HSD17B12: variants seen among roughly 807,000 people sequenced by gnomAD.
The protein encoded by HSD17B12 is very-long-chain 3-oxoacyl-CoA reductase.
A neutral mutation model predicts 39.3 loss-of-function variants in HSD17B12; 32 were observed. The ratio of observed to expected loss-of-function variants is 0.81; its 90% CI spans 0.61 to 1.09. The LOEUF is 1.09. Among genes scored for constraint, HSD17B12 ranks in the 50% least tolerant of loss-of-function variants. The probability of loss-of-function intolerance (pLI) is 0.00; values close to 1 mark genes in which losing one functional copy is unlikely to be tolerated. For synonymous variants in HSD17B12, 150 were observed against 146.7 expected (o/e 1.02, Z -0.16); for missense variants, 342 against 382.9 (o/e 0.89, Z 0.89).
chr11:43,667,698 A>G, the HSD17B12 span, among the ~76,000 whole-genome samples: 1 of 152,176 alleles, frequency 6.6e-6, no homozygotes, highest in South Asian at 2.1e-4. Context: ...CCTGAGGTTA[A>G]TTTCATATAA....
At chr11:43,840,094 C>T (rs768969301) in intron 9 of HSD17B12, 30 bp downstream of exon 9, 2 of 1,584,918 alleles carry the variant, frequency 1.3e-6, no homozygotes, top group Non-Finnish European at 1.7e-6. Flanking sequence ...CTTAAGTATC[C>T]CTGTTTTTGT....
intron 3 of HSD17B12, among the ~76,000 whole-genome samples, chr11:43,794,831 A>G (rs56002841): frequency 6.6e-6 from 1 of 152,148 alleles, no homozygotes; most frequent in Non-Finnish European, 1.5e-5. Context: ...TATCCTACAC[A>G]CTTGTGGGAT....
At chr11:43,622,147 A>T in the HSD17B12 span, among the ~76,000 whole-genome samples, 1 of 152,220 alleles carries the variant, frequency 6.6e-6, no homozygotes, top group African/African-American at 2.4e-5. Flanking sequence ...ATAAAGCTGC[A>T]TGGGCTCTGT....
intron 1 of HSD17B12, among the ~76,000 whole-genome samples, chr11:43,721,916 G>C (rs1950179960): frequency 6.6e-6 from 1 of 152,212 alleles, no homozygotes; most frequent in African/African-American, 2.4e-5. Flanking sequence ...AGTGGCAAAG[G>C]GTGGAAGTAG....
chr11:43,775,879 A>G (rs1452980236), intron 3 of HSD17B12, among the ~76,000 whole-genome samples: 2 of 150,634 alleles, frequency 1.3e-5, no homozygotes, highest in Non-Finnish European at 2.9e-5. Context: ...TGTTCTTGCA[A>G]TAGTTTACTG....
intron 6 of HSD17B12, among the ~76,000 whole-genome samples, chr11:43,826,183 C>A (rs1454209849): frequency 6.7e-6 from 1 of 150,260 alleles, no homozygotes; most frequent in Non-Finnish European, 1.5e-5. Flanking sequence ...CCCGGGTTCA[C>A]GCCATTCTCC....
intron 1 of HSD17B12, among the ~76,000 whole-genome samples, chr11:43,692,937 C>T (rs1403236052): frequency 6.6e-6 from 1 of 151,968 alleles, no homozygotes; most frequent in East Asian, 1.9e-4. Context: ...ATGAATACTA[C>T]AGTTGGTTGA....
intron 10 of HSD17B12, 126 bp downstream of exon 10, chr11:43,854,990 A>G (rs11037681): frequency 0.06 from 65,770 of 1,097,904 alleles, 2,111 homozygotes; most frequent in African/African-American, 0.078. Flanking sequence ...CAAGATATCT[A>G]TATCTTGTTA....
chr11:43,681,121 G>T, intron 1 of HSD17B12, 134 bp downstream of exon 1: 2 of 1,421,296 alleles, frequency 1.4e-6, no homozygotes, highest in Non-Finnish European at 1.8e-6. Flanking sequence ...CCTGTGCCCC[G>T]CGGGCCCCTC....
chr11:43,847,916 T>C (rs1951493163), intron 9 of HSD17B12, among the ~76,000 whole-genome samples: 1 of 152,238 alleles, frequency 6.6e-6, no homozygotes, highest in African/African-American at 2.4e-5. Flanking sequence ...GAAAACACAA[T>C]TTAAGAATTT....
At chr11:43,778,186 A>G (rs1382367941) in intron 3 of HSD17B12, among the ~76,000 whole-genome samples, 2 of 152,258 alleles carry the variant, frequency 1.3e-5, no homozygotes, top group African/African-American at 4.8e-5. Flanking sequence ...ACAAACTATC[A>G]TCAGAGAATA....
At chr11:43,732,000 G>T (rs557582392) in intron 1 of HSD17B12, among the ~76,000 whole-genome samples, 20 of 152,260 alleles carry the variant, frequency 1.3e-4, no homozygotes, top group Non-Finnish European at 7.4e-5. Flanking sequence ...GTTTGGCTGT[G>T]TCCCCCCTGA....
At chr11:43,778,247 A>G (rs1441869222) in intron 3 of HSD17B12, among the ~76,000 whole-genome samples, 2 of 152,222 alleles carry the variant, frequency 1.3e-5, no homozygotes, top group Admixed American at 6.5e-5. Flanking sequence ...GAAATGGATA[A>G]ATTCCTCGAC....
chr11:43,583,453 CTT>C, the HSD17B12 span, among the ~76,000 whole-genome samples: 2 of 152,204 alleles, frequency 1.3e-5, no homozygotes, highest in African/African-American at 4.8e-5. Context: ...AGGCTGCTCA[CTT>C]TTGATCGGGG....
intron 1 of HSD17B12, among the ~76,000 whole-genome samples, chr11:43,704,553 C>A (rs1036612591): frequency 6.6e-6 from 1 of 152,142 alleles, no homozygotes; most frequent in South Asian, 2.1e-4. Context: ...TGACAGAATC[C>A]CACATTTGTA....
chr11:43,657,079 A>G, the HSD17B12 span, among the ~76,000 whole-genome samples: 2 of 151,952 alleles, frequency 1.3e-5, no homozygotes, highest in Non-Finnish European at 2.9e-5. Flanking sequence ...ATGAATCTGG[A>G]TGCTCCTGTA....
At chr11:43,557,620 C>T in the HSD17B12 span, among the ~76,000 whole-genome samples, 1 of 152,188 alleles carries the variant, frequency 6.6e-6, no homozygotes, top group African/African-American at 2.4e-5. Flanking sequence ...CTACAGCTCA[C>T]AACCACCTGT....
intron 1 of HSD17B12, among the ~76,000 whole-genome samples, chr11:43,712,101 A>G (rs896018115): frequency 3.3e-5 from 5 of 152,164 alleles, no homozygotes; most frequent in Non-Finnish European, 7.3e-5. Context: ...TTTTCTCTGA[A>G]GCCTGCTACT....
chr11:43,578,788 C>G, the HSD17B12 span: 3 of 151,680 alleles, frequency 2.0e-5, no homozygotes, highest in Admixed American at 6.6e-5. Flanking sequence ...GTCCAAGAGT[C>G]AAGAAGGGGG....
Sources: allele counts gnomAD v4.1 joint callset (sites outside exome capture counted in the v4.1 genomes callset), GRCh38; gene constraint gnomAD v4.1.1; transcripts MANE v1.5; gene names NCBI Gene and HGNC (gene_info 2026-07-23, HGNC 2026-07-21).